Variants in RPS6KC1 observed in about 807,000 individuals in gnomAD.
RPS6KC1 encodes ribosomal protein S6 kinase C1.
RPS6KC1 carries 54 observed loss-of-function variants against 103.8 expected under a neutral mutation model. The observed-to-expected ratio is 0.52, with a 90% CI of 0.42 to 0.65. The LOEUF is 0.65. Ranked by LOEUF, RPS6KC1 falls within the 30% of genes least tolerant of loss-of-function variation. The pLI is 0.00. For synonymous variants in RPS6KC1, 439 were observed against 438.7 expected (o/e 1.00, Z -0.01); for missense variants, 1,151 against 1,253.8 (o/e 0.92, Z 1.24).
At chr1:213,781,943 C>G in the RPS6KC1 span, among the ~76,000 whole-genome samples, 1 of 152,122 alleles carries the variant, frequency 6.6e-6, no homozygotes, top group East Asian at 1.9e-4. Flanking sequence ...CATTTATCAC[C>G]TTGCTATATT....
chr1:213,679,759 C>T, the RPS6KC1 span, among the ~76,000 whole-genome samples: 1 of 152,186 alleles, frequency 6.6e-6, no homozygotes, highest in Non-Finnish European at 1.5e-5. Context: ...AACCTAAAAG[C>T]AGCATGTTAA....
intron 6 of RPS6KC1, among the ~76,000 whole-genome samples, chr1:213,151,865 GGCCGGGCGGGGGGCT>G (rs2089048291): frequency 1.6e-5 from 2 of 126,444 alleles, no homozygotes; most frequent in Non-Finnish European, 1.7e-5. Flanking sequence ...CGGGGCGGCT[GGCCGGGCGGGGGGCT>G]GATCCCCCAA....
the RPS6KC1 span, among the ~76,000 whole-genome samples, chr1:213,813,141 C>T: frequency 6.6e-6 from 1 of 151,962 alleles, no homozygotes; most frequent in Non-Finnish European, 1.5e-5. Context: ...GTCCCAGCTA[C>T]TTGGGAGGCT....
chr1:213,188,205 G>T (rs1235450913), intron 8 of RPS6KC1, among the ~76,000 whole-genome samples: 1 of 152,016 alleles, frequency 6.6e-6, no homozygotes, highest in Non-Finnish European at 1.5e-5. Flanking sequence ...GCTTCCCATG[G>T]ATTAAGGTGG....
chr1:213,374,724 T>C, the RPS6KC1 span, among the ~76,000 whole-genome samples: 842 of 152,252 alleles, frequency 5.5e-3, 9 homozygotes, highest in African/African-American at 0.016. Flanking sequence ...ATGGCTGACC[T>C]TCGGATAATG....
the RPS6KC1 span, among the ~76,000 whole-genome samples, chr1:213,559,869 A>C: frequency 6.6e-6 from 1 of 152,216 alleles, no homozygotes; most frequent in African/African-American, 2.4e-5. Flanking sequence ...TCAATATAAA[A>C]ATTATTAATG....
At chr1:213,485,414 C>T in the RPS6KC1 span, among the ~76,000 whole-genome samples, 1 of 152,154 alleles carries the variant, frequency 6.6e-6, no homozygotes, top group Middle Eastern at 3.4e-3. Flanking sequence ...TAACCTGCCA[C>T]CCCCAATCCT....
chr1:213,371,238 C>A, the RPS6KC1 span, among the ~76,000 whole-genome samples: 36 of 152,182 alleles, frequency 2.4e-4, no homozygotes, highest in African/African-American at 8.2e-4. Context: ...ATTTCACTTA[C>A]TATGATGTCC....
At chr1:213,685,658 A>G in the RPS6KC1 span, among the ~76,000 whole-genome samples, 1 of 152,006 alleles carries the variant, frequency 6.6e-6, no homozygotes, top group Non-Finnish European at 1.5e-5. Flanking sequence ...TAAGACTTTA[A>G]GCAAAAAAAC....
At chr1:213,607,464 A>AT in the RPS6KC1 span, among the ~76,000 whole-genome samples, 1 of 152,126 alleles carries the variant, frequency 6.6e-6, no homozygotes, top group Non-Finnish European at 1.5e-5. Flanking sequence ...AGTAGTCTGT[A>AT]TTCCAGCATT....
At chr1:213,344,056 A>G in the RPS6KC1 span, among the ~76,000 whole-genome samples, 1 of 152,198 alleles carries the variant, frequency 6.6e-6, no homozygotes, top group African/African-American at 2.4e-5. Context: ...TCTCCCACAT[A>G]GCTTTTCTAA....
the RPS6KC1 span, among the ~76,000 whole-genome samples, chr1:213,861,135 C>G: frequency 6.6e-6 from 1 of 152,012 alleles, no homozygotes; most frequent in African/African-American, 2.4e-5. Context: ...TTTTAAAAGG[C>G]TGAGGGAAGC....
At chr1:213,150,467 G>A (rs1034556964) in intron 6 of RPS6KC1, among the ~76,000 whole-genome samples, 1,560 of 149,206 alleles carry the variant, frequency 0.01, 26 homozygotes, top group African/African-American at 0.036. Flanking sequence ...GCGGCCTTCC[G>A]CAGTGTTTGT....
chr1:213,458,277 C>T, the RPS6KC1 span, among the ~76,000 whole-genome samples: 5 of 152,248 alleles, frequency 3.3e-5, no homozygotes, highest in South Asian at 6.2e-4. Context: ...TACATTAATT[C>T]GCTTAGGATA....
the RPS6KC1 span, among the ~76,000 whole-genome samples, chr1:213,514,233 TA>T: frequency 4.6e-4 from 70 of 152,190 alleles, no homozygotes; most frequent in East Asian, 1.2e-3. Flanking sequence ...GGAAGGGATA[TA>T]TTTTTTTTAT....
chr1:213,277,663 T>A (rs1414317263), downstream of RPS6KC1, among the ~76,000 whole-genome samples: 1 of 152,240 alleles, frequency 6.6e-6, no homozygotes, highest in African/African-American at 2.4e-5. Context: ...TTGACATGCT[T>A]ATCCTAAGTC....
At chr1:213,223,888 G>A (rs1274235217) in intron 8 of RPS6KC1, among the ~76,000 whole-genome samples, 1 of 152,184 alleles carries the variant, frequency 6.6e-6, no homozygotes, top group Non-Finnish European at 1.5e-5. Context: ...CACTAAAGTA[G>A]AGACAGACAG....
At chr1:213,672,768 T>A in the RPS6KC1 span, among the ~76,000 whole-genome samples, 1 of 152,174 alleles carries the variant, frequency 6.6e-6, no homozygotes, top group African/African-American at 2.4e-5. Context: ...TAACCAACAG[T>A]GGGCTAGATG....
At chr1:213,085,061 T>C (rs917083223) in intron 3 of RPS6KC1, among the ~76,000 whole-genome samples, 4 of 152,222 alleles carry the variant, frequency 2.6e-5, no homozygotes, top group Non-Finnish European at 2.9e-5. Flanking sequence ...TTTCTCACAG[T>C]TATGAAGGCC....
Sources: gnomAD v4.1 joint callset for allele counts (sites outside exome capture counted in the v4.1 genomes callset) on GRCh38, gnomAD v4.1.1 for gene constraint, MANE v1.5 for transcripts, NCBI Gene and HGNC (gene_info 2026-07-23, HGNC 2026-07-21) for gene names.